The following GEN1 variants were observed in gnomAD, a reference collection of about 807,000 sequenced individuals.
GEN1 encodes GEN1 structure-specific endonuclease, also known as flap endonuclease GEN homolog 1.
Under a neutral mutation model 67.6 loss-of-function variants are expected in GEN1, and 64 were observed. The ratio of observed to expected loss-of-function variants is 0.95; its 90% CI spans 0.77 to 1.17. GEN1 has a LOEUF of 1.17. Among genes scored for constraint, GEN1 ranks in the 50% most tolerant of loss-of-function variants. The probability of loss-of-function intolerance (pLI) is 0.00; values close to 1 mark genes in which losing one functional copy is unlikely to be tolerated. For missense variants in GEN1, 1,058 were observed against 1,048.3 expected (o/e 1.01, Z -0.13); for synonymous variants, 371 against 359.4 (o/e 1.03, Z -0.37).
rs10186737 is a variant in GEN1, at chr2:17,761,372, G to A, written c.162-24G>A. On this transcript the variant is annotated intron_variant, in intron 2 of 13. Coordinates refer to ENST00000381254, the MANE Select transcript of GEN1 (RefSeq NM_001130009.3). ...TTACTATCAGTGTTTGATGATTAAT[G>A]TATTACTAATTTATATATTTCAGGA... is the stretch of plus-strand genomic sequence containing the variant. 0.012 allele frequency: 15,051 copies of A among 1,280,902 alleles called. 534 individuals carry two copies. Among genetic ancestry groups the A allele is most frequent in the African/African-American group, 0.11 (7,408 of 66,448 alleles). 79.3% of individuals were successfully genotyped at this position (1,280,902 alleles called of 1,614,324 possible). A position where few individuals can be genotyped will look rare whatever the true frequency, so the allele number is the denominator to read the frequency against.
In GEN1 at chr2:17,781,365, A is replaced by G; in HGVS notation, c.2153A>G (p.His718Arg). ...AACAGTGGTTCTGATTGTACATCAC[A>G]TCTTTCAAAGGATCTTCCAGGAATT... ...IANSGSDCTS[H>R]LSKDLPGIPL... Residue 718 changes from histidine (H) to arginine (R), a missense_variant, in exon 14 of 14, where the codon CAT becomes CGT. Coordinates refer to ENST00000381254, the MANE Select transcript of GEN1 (RefSeq NM_001130009.3). 1 of 1,613,948 alleles carries G rather than the reference A, an allele frequency of 6.2e-7. No homozygotes were observed. Among genetic ancestry groups the G allele is most frequent in the Admixed American group, 1.7e-5 (1 of 60,016 alleles).
At chr2:17,765,154 T>C (rs1671866976) in intron 4 of GEN1, 81 bp downstream of exon 4, 15 of 1,351,450 alleles carry the variant, frequency 1.1e-5, no homozygotes, top group Non-Finnish European at 1.5e-5. Flanking sequence ...ATAGTAGATA[T>C]AAAATGCTTA....
At chr2:17,758,373 T>C (rs567002209) in intron 1 of GEN1, among the ~76,000 whole-genome samples, 1 of 152,232 alleles carries the variant, frequency 6.6e-6, no homozygotes, top group East Asian at 1.9e-4. Context: ...AAAGCAAAAC[T>C]GTCAATAACT....
intron 2 of GEN1, among the ~76,000 whole-genome samples, chr2:17,760,696 T>A (rs558419703): frequency 3.9e-5 from 6 of 151,978 alleles, no homozygotes; most frequent in Admixed American, 3.9e-4. Context: ...CCGAGGCAGG[T>A]GGATCACAAA....
chr2:17,782,972 A>T lies in GEN1; in HGVS notation c.*1033A>T, dbSNP rs1672914098. On this transcript the variant is annotated 3_prime_UTR_variant, in exon 14 of 14. Coordinates refer to ENST00000381254, the MANE Select transcript of GEN1 (RefSeq NM_001130009.3). ...ATGCATCAAAAATTCTAAGAAATCC[A>T]CTAGAAAACTATTAAAACTGATAAA... 1 of 152,196 alleles carries T rather than the reference A, an allele frequency of 6.6e-6. No individual in the cohort carries two copies. Among genetic ancestry groups the T allele is most frequent in the South Asian group, 2.1e-4 (1 of 4,836 alleles). 9.4% of individuals were successfully genotyped at this position (152,196 alleles called of 1,614,324 possible).
At chr2:17,778,202 A>ATATATATGTATACACACACATATG (rs1553331064) in intron 12 of GEN1, 139 bp downstream of exon 12, 14 of 224,458 alleles carry the variant, frequency 6.2e-5, no homozygotes, top group South Asian at 2.9e-4. Flanking sequence ...ACACACATAT[A>ATATATATGTATACACACACATATG]TGTGTATATA....
rs2125190525 is a variant in GEN1, at chr2:17,785,104, A to T, written c.*3165A>T. The stretch of plus-strand genomic sequence containing the variant: ...TTTGTGCACTCCTACTGAGAATCTA[A>T]TGCCTGATGATATAAGGTGGAACAG... On this transcript the variant is annotated 3_prime_UTR_variant, in exon 14 of 14. Transcript: ENST00000381254. 6.6e-6 allele frequency: 1 copy of T among 152,220 alleles called. No homozygotes were observed. The highest frequency in any genetic ancestry group is 1.9e-4 in the East Asian group (1 of 5,196). 9.4% of individuals were successfully genotyped at this position (152,220 alleles called of 1,614,324 possible).
chr2:17,781,762 T>A lies in GEN1; in HGVS notation c.2550T>A (p.Thr850=), dbSNP rs1286281841. The A allele has an allele frequency of 1.2e-6, 2 of 1,613,090 alleles. No homozygotes were observed. The highest frequency in any genetic ancestry group is 2.7e-5 in the African/African-American group (2 of 74,830). Residue 850 remains threonine, a synonymous_variant, in exon 14 of 14, where the codon ACT becomes ACA. Transcript: ENST00000381254. ...GCCCTAAGATACATATTAAAGAAAC[T>A]GAACAGTGTGTCAGATCTTATGAAA... is the stretch of plus-strand genomic sequence containing the variant. ...LSSPKIHIKE[T]EQCVRSYETA... is the part of the protein sequence containing the mutation.
At chr2:17,771,055 A>G in intron 6 of GEN1, 141 bp from the exon 7 acceptor site, 1 of 689,938 alleles carries the variant, frequency 1.4e-6, no homozygotes, top group South Asian at 1.5e-5. Context: ...GTTTTCCCAC[A>G]CTAGGCCAGC....
At chr2:17,778,232 ATG>A (rs1203678250) in intron 12 of GEN1, among the ~76,000 whole-genome samples, 169 bp downstream of exon 12, 5 of 140,008 alleles carry the variant, frequency 3.6e-5, no homozygotes, top group African/African-American at 1.4e-4. Context: ...ACACACATAT[ATG>A]TGTGTACATA....
chr2:17,761,654 A>T, intron 3 of GEN1, 72 bp downstream of exon 3: 1 of 1,012,802 alleles, frequency 9.9e-7, no homozygotes, highest in Non-Finnish European at 1.5e-6. Context: ...ATAGTTTGTC[A>T]TCTTTAATAC....
In GEN1 at chr2:17,768,778, T is replaced by C. The variant is rs143219130; in HGVS notation, c.677T>C (p.Ile226Thr). ...GVGKEQALKL[I>T]QILKGQSLLQ... Reference sequence around the variant, plus strand: ...GGAAAAGAGCAAGCATTAAAACTTATACAGATTTTGAAAGGGCAAAGTTTA... The same window carrying C: ...GGAAAAGAGCAAGCATTAAAACTTACACAGATTTTGAAAGGGCAAAGTTTA... Residue 226 changes from isoleucine (I) to threonine (T), a missense_variant, in exon 6 of 14, where the codon ATA becomes ACA. Transcript: ENST00000381254. The C allele has an allele frequency of 2.4e-5, 38 of 1,611,536 alleles. No homozygotes were observed. The highest frequency in any genetic ancestry group is 3.3e-4 in the Middle Eastern group (2 of 6,068).
At position 17,780,924 on chromosome 2, in the gene GEN1, A is replaced by ATACCT; in HGVS notation, c.1713_1717dup (p.Ser573LeufsTer9). ...CTAATTTCAGAATCTAGTCAACCCA[A>ATACCT]TACCTCATCTCATAATATATCCGTG... On this transcript the variant is annotated frameshift_variant, in exon 14 of 14. Transcript: ENST00000381254. LOFTEE classifies it low-confidence loss of function (END_TRUNC). 6.2e-7 allele frequency: 1 copy of ATACCT among 1,613,704 alleles called. No homozygotes were observed. The highest frequency in any genetic ancestry group is 2.2e-5 in the East Asian group (1 of 44,860).
At position 17,783,056 on chromosome 2, in the gene GEN1, T is replaced by TTTTG. The variant is rs536724441; in HGVS notation, c.*1129_*1132dup. Reference sequence around the variant, plus strand: ...ATGTGCAATGATCATTGCATTTTGTTTTTGTTTGTTTGTTTTTTTTTGAGA... The same window carrying TTTTG: ...ATGTGCAATGATCATTGCATTTTGTTTTTGTTTGTTTGTTTGTTTTTTTTTGAGA... On this transcript the variant is annotated 3_prime_UTR_variant, in exon 14 of 14. Transcript: ENST00000381254. The TTTTG allele has an allele frequency of 1.3e-5, 2 of 152,072 alleles. No individual in the cohort carries two copies. Among genetic ancestry groups the TTTTG allele is most frequent in the Admixed American group, 1.3e-4 (2 of 15,258 alleles). 9.4% of individuals were successfully genotyped at this position (152,072 alleles called of 1,614,324 possible).
chr2:17,757,675 C>T (rs1196017498), intron 1 of GEN1, among the ~76,000 whole-genome samples: 1 of 152,148 alleles, frequency 6.6e-6, no homozygotes, highest in Non-Finnish European at 1.5e-5. Context: ...TTTCTCTTCC[C>T]TCAAAAAGCT....
chr2:17,757,813 T>C (rs1352410107), intron 1 of GEN1, among the ~76,000 whole-genome samples: 1 of 152,222 alleles, frequency 6.6e-6, no homozygotes, highest in Admixed American at 6.5e-5. Flanking sequence ...TCTAAAAAGA[T>C]TTCTGGTTTA....
At position 17,784,300 on chromosome 2, in the gene GEN1, A is replaced by G. The variant is rs1672978108; in HGVS notation, c.*2361A>G. 1 of 152,200 alleles carries G rather than the reference A, an allele frequency of 6.6e-6. No individual in the cohort carries two copies. Among genetic ancestry groups the G allele is most frequent in the Non-Finnish European group, 1.5e-5 (1 of 68,022 alleles). 9.4% of individuals were successfully genotyped at this position (152,200 alleles called of 1,614,324 possible). ...ACAAGACACCCAATGTCTACAATCAAAAAGATAATAACTAGTATTGATGAG... is the reference window on the plus strand; with the variant it reads ...ACAAGACACCCAATGTCTACAATCAGAAAGATAATAACTAGTATTGATGAG... On this transcript the variant is annotated 3_prime_UTR_variant, in exon 14 of 14. Transcript: ENST00000381254.
Position 17,771,341 on chromosome 2 carries a change from T to G in GEN1, c.802+54T>G, listed in dbSNP as rs1003067935. On this transcript the variant is annotated intron_variant, in intron 7 of 13. Coordinates refer to ENST00000381254, the MANE Select transcript of GEN1 (RefSeq NM_001130009.3). ...TATCTCATACCCATGTTTTAATTCT[T>G]GTTCACATAGTACTTTTTACATGCC... The G allele has an allele frequency of 2.9e-6, 3 of 1,035,524 alleles. No homozygotes were observed. In the Admixed American group the frequency reaches 5.1e-5, roughly 18 times the overall value. 64.1% of individuals were successfully genotyped at this position (1,035,524 alleles called of 1,614,324 possible).
chr2:17,778,398 G>GTA lies in GEN1; in HGVS notation c.1264+340_1264+341dup, dbSNP rs368871666. Among the ~76,000 whole-genome samples, 12 of 23,276 alleles carry GTA rather than the reference G, an allele frequency of 5.2e-4. 3 individuals carry two copies. The highest frequency in any genetic ancestry group is 1.0e-3 in the Non-Finnish European group (9 of 9,036). 15.3% of individuals were successfully genotyped at this position (23,276 alleles called of 152,430 possible). ...CACACATATATGTGTGTACATATAT[G>GTA]TATATACACACATATATGTGTGTAC... On this transcript the variant is annotated intron_variant, in intron 12 of 13. Transcript: ENST00000381254.
Sources: allele counts gnomAD v4.1 joint callset (sites outside exome capture counted in the v4.1 genomes callset), GRCh38; gene constraint gnomAD v4.1.1; transcripts MANE v1.5; gene names NCBI Gene and HGNC (gene_info 2026-07-23, HGNC 2026-07-21).